Variants in SPRYD4 observed in about 807,000 individuals in gnomAD.
SPRYD4 encodes the protein SPRY domain containing 4, also known as SPRY domain-containing protein 4.
In SPRYD4, 12 loss-of-function variants were observed where a neutral mutation model predicts 16.6. The ratio of observed to expected loss-of-function variants is 0.72; its 90% CI spans 0.46 to 1.17. SPRYD4 has a LOEUF of 1.17. SPRYD4 is among the 50% of genes most tolerant of loss of function. SPRYD4 has a pLI of 0.00. For missense variants in SPRYD4, 260 were observed against 260.2 expected (o/e 1.00, Z 0.00); for synonymous variants, 98 against 105.4 (o/e 0.93, Z 0.43).
At position 56,473,113 on chromosome 12, in the gene SPRYD4, T is replaced by C. The variant is rs1029923520; in HGVS notation, c.*3536T>C. 1 of 912,538 alleles carries C rather than the reference T, an allele frequency of 1.1e-6. No individual in the cohort carries two copies. Among genetic ancestry groups the C allele is most frequent in the Non-Finnish European group, 1.7e-6 (1 of 582,080 alleles). The allele number at this position is 912,538 out of a possible 1,614,324, so 56.5% of individuals were successfully genotyped here. On this transcript the variant is annotated 3_prime_UTR_variant, in exon 2 of 2. Transcript: ENST00000338146. Reference sequence around the variant, plus strand: ...ACCGTGTTAGCCAGGATGGTCTTGATCTCCTGACCTTGTGATCCGCCCGCC... The same window carrying C: ...ACCGTGTTAGCCAGGATGGTCTTGACCTCCTGACCTTGTGATCCGCCCGCC...
chr12:56,474,279 G>A lies in SPRYD4; in HGVS notation c.*4702G>A. 2.3e-6 allele frequency: 1 copy of A among 434,616 alleles called. No individual in the cohort carries two copies. Among genetic ancestry groups the A allele is most frequent in the Non-Finnish European group, 4.3e-6 (1 of 234,816 alleles). The allele number at this position is 434,616 out of a possible 1,614,324, so 26.9% of individuals were successfully genotyped here. On this transcript the variant is annotated 3_prime_UTR_variant, in exon 2 of 2. Transcript: ENST00000338146. Reference sequence around the variant, plus strand: ...TAATTTTTTGTATTTAGTAGAGATGGGGTTTCACCATGTAGGTCAGGCTGG... The same window carrying A: ...TAATTTTTTGTATTTAGTAGAGATGAGGTTTCACCATGTAGGTCAGGCTGG...
At position 56,477,451 on chromosome 12, in the gene SPRYD4, T is replaced by C; in HGVS notation, c.*7874T>C. 1.9e-6 allele frequency: 1 copy of C among 514,134 alleles called. No individual in the cohort carries two copies. Among genetic ancestry groups the C allele is most frequent in the South Asian group, 2.6e-5 (1 of 38,828 alleles). The allele number at this position is 514,134 out of a possible 1,614,324, so 31.8% of individuals were successfully genotyped here. ...CATGGGTGGGGGCAGGGAACAGTACTGAGTGGGGATGACGGAGGTGGTGCA... is the reference window on the plus strand; with the variant it reads ...CATGGGTGGGGGCAGGGAACAGTACCGAGTGGGGATGACGGAGGTGGTGCA... On this transcript the variant is annotated 3_prime_UTR_variant, in exon 2 of 2. Coordinates refer to ENST00000338146, the MANE Select transcript of SPRYD4 (RefSeq NM_207344.4).
Position 56,473,740 on chromosome 12 carries a change from T to A in SPRYD4, c.*4163T>A, listed in dbSNP as rs1869524458. The A allele has an allele frequency of 4.3e-6, 4 of 938,244 alleles. No individual in the cohort carries two copies. In the South Asian group the frequency reaches 8.4e-5, roughly 20 times the overall value. 58.1% of individuals were successfully genotyped at this position (938,244 alleles called of 1,614,324 possible). On this transcript the variant is annotated 3_prime_UTR_variant, in exon 2 of 2. Transcript: ENST00000338146. ...TTTTGGCTTGTTAATTAGCTTCTTT[T>A]ATTACTCCTGTCCTTTCCTTCCCTT...
At position 56,475,122 on chromosome 12, in the gene SPRYD4, AC is replaced by A; in HGVS notation, c.*5548del. On this transcript the variant is annotated 3_prime_UTR_variant, in exon 2 of 2. Coordinates refer to ENST00000338146, the MANE Select transcript of SPRYD4 (RefSeq NM_207344.4). ...TCTCTGACTGGAATCTGAAGCAAAC[AC>A]CCAATTTAGTACTTGAAGTTGGAGG... The A allele has an allele frequency of 6.2e-7, 1 of 1,613,982 alleles. No homozygotes were observed. The highest frequency in any genetic ancestry group is 2.2e-5 in the East Asian group (1 of 44,888).
Position 56,473,474 on chromosome 12 carries a change from T to C in SPRYD4, c.*3897T>C, listed in dbSNP as rs747398978. On this transcript the variant is annotated 3_prime_UTR_variant, in exon 2 of 2. Transcript: ENST00000338146. ...GCAAAGCATCTCACCTGGCAGAAGC[T>C]GGTCCCCCTATGGCTGTTCCCCAGC... is the stretch of plus-strand genomic sequence containing the variant. 1 of 1,611,822 alleles carries C rather than the reference T, an allele frequency of 6.2e-7. No individual in the cohort carries two copies. Among genetic ancestry groups the C allele is most frequent in the Non-Finnish European group, 8.5e-7 (1 of 1,178,670 alleles).
At position 56,469,482 on chromosome 12, in the gene SPRYD4, CA is replaced by C; in HGVS notation, c.530del (p.Gln177ArgfsTer20). 1 of 1,614,126 alleles carries C rather than the reference CA, an allele frequency of 6.2e-7. No homozygotes were observed. The highest frequency in any genetic ancestry group is 8.5e-7 in the Non-Finnish European group (1 of 1,180,014). ...CCAGGTCTCTGTGGTTCACACGCTACAGACAGATTTCCGGGGTCCAGTGGTG... is the reference window on the plus strand; with the variant it reads ...CCAGGTCTCTGTGGTTCACACGCTACGACAGATTTCCGGGGTCCAGTGGTG... Reference protein sequence around the residue: ...VSQVSVVHTLQTDFRGPVVPA... With the variant: ...VSQVSVVHTLXTDFRGPVVPA... On this transcript the variant is annotated frameshift_variant, in exon 2 of 2. Transcript: ENST00000338146. LOFTEE classifies it high-confidence loss of function.
At position 56,473,507 on chromosome 12, in the gene SPRYD4, A is replaced by G. The variant is rs549486185; in HGVS notation, c.*3930A>G. On this transcript the variant is annotated 3_prime_UTR_variant, in exon 2 of 2. Coordinates refer to ENST00000338146, the MANE Select transcript of SPRYD4 (RefSeq NM_207344.4). The stretch of plus-strand genomic sequence containing the variant: ...CTATGGCTGTTCCCCAGCTTGTCCA[A>G]TGGGGGTGACAGGCACATCATTCCC... The G allele has an allele frequency of 1.1e-4, 171 of 1,613,926 alleles. 1 individual carries two copies. The highest frequency in any genetic ancestry group is 9.8e-4 in the South Asian group (89 of 91,058).
Position 56,471,657 on chromosome 12 carries a change from T to G in SPRYD4, c.*2080T>G. On this transcript the variant is annotated 3_prime_UTR_variant, in exon 2 of 2. Transcript: ENST00000338146. Reference sequence around the variant, plus strand: ...ATGTTGCCCCACCTGAGAGGAATAATGATATGATCAGGCAAAGGAGACGTG... The same window carrying G: ...ATGTTGCCCCACCTGAGAGGAATAAGGATATGATCAGGCAAAGGAGACGTG... 6.2e-7 allele frequency: 1 copy of G among 1,613,852 alleles called. No individual in the cohort carries two copies. Among genetic ancestry groups the G allele is most frequent in the Non-Finnish European group, 8.5e-7 (1 of 1,179,816 alleles).
In SPRYD4 at chr12:56,474,419, T is replaced by C; in HGVS notation, c.*4842T>C. On this transcript the variant is annotated 3_prime_UTR_variant, in exon 2 of 2. Coordinates refer to ENST00000338146, the MANE Select transcript of SPRYD4 (RefSeq NM_207344.4). ...ACTCGTCTAAGGAGTCTCAACCTAA[T>C]TGCCTTCCTGGAAGTTAGTGAATGA... The C allele has an allele frequency of 2.5e-6, 3 of 1,186,438 alleles. No homozygotes were observed. Among genetic ancestry groups the C allele is most frequent in the Non-Finnish European group, 3.6e-6 (3 of 842,996 alleles). 73.5% of individuals were successfully genotyped at this position (1,186,438 alleles called of 1,614,324 possible).
chr12:56,473,349 ATTTACTCC>A lies in SPRYD4; in HGVS notation c.*3775_*3782del. 3 of 1,613,036 alleles carry A rather than the reference ATTTACTCC, an allele frequency of 1.9e-6. No individual in the cohort carries two copies. The highest frequency in any genetic ancestry group is 2.5e-6 in the Non-Finnish European group (3 of 1,179,330). The stretch of plus-strand genomic sequence containing the variant: ...GAATTGTAAGCCAAATATATTGTTT[ATTTACTCC>A]TTACACTTAGTAGGAGCTCAAAATT... On this transcript the variant is annotated 3_prime_UTR_variant, in exon 2 of 2. Coordinates refer to ENST00000338146, the MANE Select transcript of SPRYD4 (RefSeq NM_207344.4).
Position 56,471,689 on chromosome 12 carries a change from G to A in SPRYD4, c.*2112G>A. ...ATCAGGCAAAGGAGACGTGGAGAGT[G>A]GTGGTTGTATATATTTGCATGGTGG... is the stretch of plus-strand genomic sequence containing the variant. On this transcript the variant is annotated 3_prime_UTR_variant, in exon 2 of 2. Transcript: ENST00000338146. The A allele has an allele frequency of 1.9e-6, 3 of 1,612,196 alleles. No homozygotes were observed. The highest frequency in any genetic ancestry group is 2.2e-5 in the East Asian group (1 of 44,864).
Position 56,471,643 on chromosome 12 carries a change from C to T in SPRYD4, c.*2066C>T. 1 of 1,613,900 alleles carries T rather than the reference C, an allele frequency of 6.2e-7. No individual in the cohort carries two copies. The highest frequency in any genetic ancestry group is 1.1e-5 in the South Asian group (1 of 91,058). On this transcript the variant is annotated 3_prime_UTR_variant, in exon 2 of 2. Coordinates refer to ENST00000338146, the MANE Select transcript of SPRYD4 (RefSeq NM_207344.4). ...CATCATCCAGGGGAATGTTGCCCCA[C>T]CTGAGAGGAATAATGATATGATCAG...
chr12:56,475,606 C>T lies in SPRYD4; in HGVS notation c.*6029C>T. 6.2e-7 allele frequency: 1 copy of T among 1,613,522 alleles called. No homozygotes were observed. The highest frequency in any genetic ancestry group is 8.5e-7 in the Non-Finnish European group (1 of 1,179,472). ...TACACCACAATGCTTTCAGTCAGTC[C>T]TCTGAGTAGGGACTTACGTGGCATT... On this transcript the variant is annotated 3_prime_UTR_variant, in exon 2 of 2. Coordinates refer to ENST00000338146, the MANE Select transcript of SPRYD4 (RefSeq NM_207344.4).
chr12:56,475,799 C>G lies in SPRYD4; in HGVS notation c.*6222C>G, dbSNP rs1055733137. 6.5e-6 allele frequency: 9 copies of G among 1,381,612 alleles called. No individual in the cohort carries two copies. Among genetic ancestry groups the G allele is most frequent in the Non-Finnish European group, 9.2e-6 (9 of 974,046 alleles). The allele number at this position is 1,381,612 out of a possible 1,614,324, so 85.6% of individuals were successfully genotyped here. On this transcript the variant is annotated 3_prime_UTR_variant, in exon 2 of 2. Coordinates refer to ENST00000338146, the MANE Select transcript of SPRYD4 (RefSeq NM_207344.4). ...TGTCAAGAGGCTTTCCTCTCTGAGG[C>G]CAGCAGATTTCCACATTTCTGGAAA...
chr12:56,475,351 G>A lies in SPRYD4; in HGVS notation c.*5774G>A. On this transcript the variant is annotated 3_prime_UTR_variant, in exon 2 of 2. Coordinates refer to ENST00000338146, the MANE Select transcript of SPRYD4 (RefSeq NM_207344.4). The stretch of plus-strand genomic sequence containing the variant: ...ACTGTCTAGTCATCTAGGAAAACTG[G>A]TGAAGTTTTTGGCTTTGAAAGTCTT... 1 of 1,113,662 alleles carries A rather than the reference G, an allele frequency of 9.0e-7. No homozygotes were observed. Among genetic ancestry groups the A allele is most frequent in the South Asian group, 1.6e-5 (1 of 60,762 alleles). The allele number at this position is 1,113,662 out of a possible 1,614,324, so 69.0% of individuals were successfully genotyped here. A position where few individuals can be genotyped will look rare whatever the true frequency, so the allele number is the denominator to read the frequency against.
chr12:56,471,409 A>G lies in SPRYD4; in HGVS notation c.*1832A>G. The G allele has an allele frequency of 6.9e-7, 1 of 1,439,310 alleles. No individual in the cohort carries two copies. The highest frequency in any genetic ancestry group is 2.2e-5 in the Admixed American group (1 of 46,458). The allele number at this position is 1,439,310 out of a possible 1,614,324, so 89.2% of individuals were successfully genotyped here. On this transcript the variant is annotated 3_prime_UTR_variant, in exon 2 of 2. Transcript: ENST00000338146. Reference sequence around the variant, plus strand: ...CCACTGAAGCAGTGTAGCTCTCCATAGTATTTTTGGTGGTTATGGATTACA... The same window carrying G: ...CCACTGAAGCAGTGTAGCTCTCCATGGTATTTTTGGTGGTTATGGATTACA...
In SPRYD4 at chr12:56,477,464, C is replaced by T. The variant is rs569042052; in HGVS notation, c.*7887C>T. 11 of 536,430 alleles carry T rather than the reference C, an allele frequency of 2.1e-5. 1 individual carries two copies. Among genetic ancestry groups the T allele is most frequent in the East Asian group, 9.2e-5 (3 of 32,700 alleles). 33.2% of individuals were successfully genotyped at this position (536,430 alleles called of 1,614,324 possible). On this transcript the variant is annotated 3_prime_UTR_variant, in exon 2 of 2. Coordinates refer to ENST00000338146, the MANE Select transcript of SPRYD4 (RefSeq NM_207344.4). ...AGGGAACAGTACTGAGTGGGGATGA[C>T]GGAGGTGGTGCAGTCTCTTATACTG...
rs1870053971 is a variant in SPRYD4 at position 56,478,875 on chromosome 12, T to A, written c.*9298T>A. ...GGGCATGGTGGTGTATGCCAGCTAC[T>A]CGGGAGGCTGAGACAGGAGAATCGC... On this transcript the variant is annotated 3_prime_UTR_variant, in exon 2 of 2. Coordinates refer to ENST00000338146, the MANE Select transcript of SPRYD4 (RefSeq NM_207344.4). 1 of 708,142 alleles carries A rather than the reference T, an allele frequency of 1.4e-6. No homozygotes were observed. The highest frequency in any genetic ancestry group is 2.0e-5 in the South Asian group (1 of 48,792). 43.9% of individuals were successfully genotyped at this position (708,142 alleles called of 1,614,324 possible).
In SPRYD4 at chr12:56,476,051, T is replaced by A; in HGVS notation, c.*6474T>A. 2.1e-6 allele frequency: 3 copies of A among 1,455,382 alleles called. No individual in the cohort carries two copies. The highest frequency in any genetic ancestry group is 2.9e-6 in the Non-Finnish European group (3 of 1,046,878). The allele number at this position is 1,455,382 out of a possible 1,614,324, so 90.2% of individuals were successfully genotyped here. A position where few individuals can be genotyped will look rare whatever the true frequency, so the allele number is the denominator to read the frequency against. On this transcript the variant is annotated 3_prime_UTR_variant, in exon 2 of 2. Coordinates refer to ENST00000338146, the MANE Select transcript of SPRYD4 (RefSeq NM_207344.4). ...AGAGGGAAGGGTCAGAAGGATCTAGTGGAGTTCTAGTGTTAGTCTGGTCCT... is the reference window on the plus strand; with the variant it reads ...AGAGGGAAGGGTCAGAAGGATCTAGAGGAGTTCTAGTGTTAGTCTGGTCCT...
Sources: gnomAD v4.1 joint callset for allele counts on GRCh38, gnomAD v4.1.1 for gene constraint, MANE v1.5 for transcripts, NCBI Gene and HGNC (gene_info 2026-07-23, HGNC 2026-07-21) for gene names.